SCAF4: variants seen among roughly 807,000 people sequenced by gnomAD.
SCAF4 encodes the protein SR-related CTD associated factor 4.
In SCAF4, 25 loss-of-function variants were observed where a neutral mutation model predicts 129.8. The observed-to-expected ratio is 0.19, with a 90% CI of 0.14 to 0.27. SCAF4 has a LOEUF of 0.27. SCAF4 is among the 10% of genes least tolerant of loss of function. The probability of loss-of-function intolerance (pLI) is 1.00; values close to 1 mark genes in which losing one functional copy is unlikely to be tolerated. For missense variants in SCAF4, 1,246 were observed against 1,457.1 expected (o/e 0.86, Z 2.36); for synonymous variants, 551 against 497.7 (o/e 1.11, Z -1.43).
At chr21:31,681,325 A>G (rs1016818584) in intron 19 of SCAF4, among the ~76,000 whole-genome samples, 3 of 152,234 alleles carry the variant, frequency 2.0e-5, no homozygotes, top group African/African-American at 7.2e-5. Context: ...TATTTTGGAT[A>G]TACTGGTAAC....
intron 1 of SCAF4, among the ~76,000 whole-genome samples, chr21:31,707,194 T>C (rs141233260): frequency 2.6e-5 from 4 of 152,150 alleles, no homozygotes; most frequent in African/African-American, 9.6e-5. Context: ...CTCTACTAAA[T>C]ATACAAATAT....
At chr21:31,684,857 C>T (rs2050076597) in intron 19 of SCAF4, 192 bp downstream of exon 19, 3 of 566,802 alleles carry the variant, frequency 5.3e-6, no homozygotes, top group South Asian at 2.1e-5. Context: ...AGATCAAGTA[C>T]ACATATTTGA....
rs575070549 is a variant in SCAF4, at chr21:31,696,788, G to C, written c.778-38C>G. On this transcript the variant is annotated intron_variant, in intron 7 of 19. Coordinates refer to ENST00000286835, the MANE Select transcript of SCAF4 (RefSeq NM_020706.2). ...TGTCAATATTTCATTTTAAAATTTA[G>C]ACTGATTCACTGCACAAAAAACTTT... is the stretch of plus-strand genomic sequence containing the variant. The C allele has an allele frequency of 3.9e-6, 6 of 1,533,944 alleles. No individual in the cohort carries two copies. The African/African-American group carries it at 5.5e-5, about 14-fold the overall frequency.
chr21:31,672,201 A>G lies in SCAF4; in HGVS notation c.2642T>C (p.Met881Thr), dbSNP rs761589993. The G allele has an allele frequency of 1.2e-6, 2 of 1,606,728 alleles. No homozygotes were observed. The highest frequency in any genetic ancestry group is 4.5e-5 in the East Asian group (2 of 44,756). The part of the protein sequence containing the change: ...QRFPLMPPRP[M>T]PPHMMHRGPP... ...GCCTCTGTGCATCATGTGCGGTGGCATGGGACGGGGCGGCATCAAAGGGAA... is the reference window on the plus strand; with the variant it reads ...GCCTCTGTGCATCATGTGCGGTGGCGTGGGACGGGGCGGCATCAAAGGGAA... Residue 881 changes from methionine (M) to threonine (T), a missense_variant, in exon 20 of 20, where the codon ATG (methionine) becomes ACG (threonine). Met to Thr is a moderately conservative substitution (Grantham distance 81). This residue lies in a region of SCAF4 where 468 missense variants were observed against 605.5 expected (regional missense o/e 0.77). Transcript: ENST00000286835.
At chr21:31,692,208 A>G in intron 13 of SCAF4, 141 bp downstream of exon 13, 1 of 624,284 alleles carries the variant, frequency 1.6e-6, no homozygotes, top group Non-Finnish European at 2.8e-6. Flanking sequence ...AGATAATTCT[A>G]AACGTGGACT....
At chr21:31,713,735 C>T (rs1421264671) in intron 1 of SCAF4, among the ~76,000 whole-genome samples, 1 of 60,380 alleles carries the variant, frequency 1.7e-5, no homozygotes, top group Non-Finnish European at 3.1e-5. Flanking sequence ...TTCTCATGGG[C>T]AAACCGGAGC....
chr21:31,692,315 T>C, intron 13 of SCAF4, 34 bp downstream of exon 13: 1 of 1,477,814 alleles, frequency 6.8e-7, no homozygotes, highest in Non-Finnish European at 9.5e-7. Context: ...ATCACACCTG[T>C]CCATCGTACT....
chr21:31,703,764 C>G lies in SCAF4; in HGVS notation c.321+1G>C. ...AGTTTTAGTTTAAAAATTAATTATA[C>G]CTTATCTTCAGATGGACAAAGATAT... On this transcript the variant is annotated splice_donor_variant, in intron 4 of 19. Coordinates refer to ENST00000286835, the MANE Select transcript of SCAF4 (RefSeq NM_020706.2). LOFTEE classifies it high-confidence loss of function. 2 of 1,468,688 alleles carry G rather than the reference C, an allele frequency of 1.4e-6. No individual in the cohort carries two copies. Among genetic ancestry groups the G allele is most frequent in the Non-Finnish European group, 1.9e-6 (2 of 1,063,396 alleles). The allele number at this position is 1,468,688 out of a possible 1,614,324, so 91.0% of individuals were successfully genotyped here. A position where few individuals can be genotyped will look rare whatever the true frequency, so the allele number is the denominator to read the frequency against.
In SCAF4 at chr21:31,705,412, G is replaced by C. The variant is rs780154332; in HGVS notation, c.159+11C>G. On this transcript the variant is annotated intron_variant, in intron 3 of 19. Coordinates refer to ENST00000286835, the MANE Select transcript of SCAF4 (RefSeq NM_020706.2). ...TGTAACTAAAATGAGGTTATAATGA[G>C]AGATAGTTACCTTTTTGATGAACTT... is the stretch of plus-strand genomic sequence containing the variant. 1 of 1,155,418 alleles carries C rather than the reference G, an allele frequency of 8.7e-7. No individual in the cohort carries two copies. The highest frequency in any genetic ancestry group is 2.6e-5 in the East Asian group (1 of 38,326). 71.6% of individuals were successfully genotyped at this position (1,155,418 alleles called of 1,614,324 possible).
Position 31,671,988 on chromosome 21 carries a change from T to C in SCAF4, c.2855A>G (p.Gln952Arg). 1 of 1,611,802 alleles carries C rather than the reference T, an allele frequency of 6.2e-7. No homozygotes were observed. The highest frequency in any genetic ancestry group is 8.5e-7 in the Non-Finnish European group (1 of 1,178,314). Residue 952 changes from glutamine to arginine, a missense_variant, in exon 20 of 20, where the codon CAG becomes CGG. By Grantham distance (43) the Gln-to-Arg change is conservative. Transcript: ENST00000286835. Reference protein sequence around the residue: ...QPPQQPQQQPQPQAPQQPQQQ... With the variant: ...QPPQQPQQQPRPQAPQQPQQQ... ...CTGTGGTTGCTGGGGCGCCTGCGGC[T>C]GTGGCTGCTGCTGTGGCTGCTGCGG...
In SCAF4 at chr21:31,672,112, G is replaced by T. The variant is rs1409337383; in HGVS notation, c.2731C>A (p.Pro911Thr). Reference sequence around the variant, plus strand: ...CCAGGCCTAACAAAGGGGCCATGCGGTGGGAAGGGACCTTTCATTCCATGA... The same window carrying T: ...CCAGGCCTAACAAAGGGGCCATGCGTTGGGAAGGGACCTTTCATTCCATGA... ...PPHGMKGPFP[P>T]HGPFVRPGGM... is the part of the protein sequence containing the mutation. Residue 911 changes from proline to threonine, a missense_variant, in exon 20 of 20, where the codon CCG (proline) becomes ACG (threonine). Around this residue, in one of 6 missense-constraint regions of SCAF4, gnomAD observed 339 missense variants for 325.0 expected, o/e 1.04. Coordinates refer to ENST00000286835, the MANE Select transcript of SCAF4 (RefSeq NM_020706.2). The T allele has an allele frequency of 6.2e-7, 1 of 1,612,446 alleles. No individual in the cohort carries two copies. The highest frequency in any genetic ancestry group is 1.1e-5 in the South Asian group (1 of 91,026).
At chr21:31,716,825 G>C (rs1371740725) in intron 1 of SCAF4, among the ~76,000 whole-genome samples, 1 of 151,996 alleles carries the variant, frequency 6.6e-6, no homozygotes, top group Non-Finnish European at 1.5e-5. Context: ...AATATAATGG[G>C]GCGAGGAAAG....
rs2050837557 is a variant in SCAF4, at chr21:31,712,858, G to A, written c.31-6501C>T. 3 of 965,922 alleles carry A rather than the reference G, an allele frequency of 3.1e-6. No individual in the cohort carries two copies. The African/African-American group carries it at 5.3e-5, about 17-fold the overall frequency. The allele number at this position is 965,922 out of a possible 1,614,324, so 59.8% of individuals were successfully genotyped here. A position where few individuals can be genotyped will look rare whatever the true frequency, so the allele number is the denominator to read the frequency against. Reference sequence around the variant, plus strand: ...TTCTCCCATTTTTAAAATAAACACTGATGGCCTTCTTTATAAAACTGTTAA... The same window carrying A: ...TTCTCCCATTTTTAAAATAAACACTAATGGCCTTCTTTATAAAACTGTTAA... On this transcript the variant is annotated intron_variant, in intron 1 of 19. Coordinates refer to ENST00000286835, the MANE Select transcript of SCAF4 (RefSeq NM_020706.2).
rs2050586356 is a variant in SCAF4, at chr21:31,703,630, CTG to C, written c.321+133_321+134del. On this transcript the variant is annotated intron_variant, in intron 4 of 19. Transcript: ENST00000286835. ...ACGAAATGACCACTGAAGAAAAAAA[CTG>C]TTTTGTTTCAAGCTCACAGACATCG... is the stretch of plus-strand genomic sequence containing the variant. 8.2e-6 allele frequency: 4 copies of C among 486,484 alleles called. No individual in the cohort carries two copies. In the Admixed American group the frequency reaches 1.3e-4, roughly 16 times the overall value. 30.1% of individuals were successfully genotyped at this position (486,484 alleles called of 1,614,324 possible).
At chr21:31,672,407 T>C (rs184675235) in intron 19 of SCAF4, 53 bp from the exon 20 acceptor site, 163 of 1,353,072 alleles carry the variant, frequency 1.2e-4, no homozygotes, top group Non-Finnish European at 1.6e-4. Context: ...GGCACTCCAG[T>C]TTCAGCTGTG....
Position 31,731,838 on chromosome 21 carries a change from G to T in SCAF4, c.-146C>A. On this transcript the variant is annotated 5_prime_UTR_variant, in exon 1 of 20. Transcript: ENST00000286835. ...TCCGAGGCCCGGGCAGGAAGAGGCT[G>T]CGCCCGAAGCGGCGAGGCGGGCGGC... is the stretch of plus-strand genomic sequence containing the variant. 1.1e-6 allele frequency: 1 copy of T among 911,674 alleles called. No homozygotes were observed. Among genetic ancestry groups the T allele is most frequent in the Non-Finnish European group, 1.5e-6 (1 of 659,074 alleles). The allele number at this position is 911,674 out of a possible 1,614,324, so 56.5% of individuals were successfully genotyped here.
intron 1 of SCAF4, among the ~76,000 whole-genome samples, chr21:31,710,911 T>C (rs1426561115): frequency 2.0e-5 from 3 of 152,206 alleles, no homozygotes; most frequent in Admixed American, 1.3e-4. Context: ...GCTGAGTGTT[T>C]CGTATATAAA....
chr21:31,685,003 G>T, intron 19 of SCAF4, 46 bp downstream of exon 19: 4 of 735,336 alleles, frequency 5.4e-6, no homozygotes, highest in South Asian at 1.5e-5. Context: ...GGGGGGTGGG[G>T]GGGGGGTGGG....
chr21:31,691,670 TTTA>T, intron 14 of SCAF4, 144 bp downstream of exon 14: 2 of 383,310 alleles, frequency 5.2e-6, no homozygotes, highest in Non-Finnish European at 9.0e-6. Flanking sequence ...GGAAATATTC[TTTA>T]AAAAAAAAAA....
Sources: gnomAD v4.1 joint callset for allele counts (sites outside exome capture counted in the v4.1 genomes callset) on GRCh38, gnomAD v4.1.1 for gene constraint, gnomAD v4.1.1 regional missense constraint, MANE v1.5 for transcripts, NCBI Gene and HGNC (gene_info 2026-07-23, HGNC 2026-07-21) for gene names.